Variants in GRAMD2B observed in about 807,000 individuals in gnomAD.
GRAMD2B encodes the protein GRAM domain-containing protein 2B.
In GRAMD2B, 41 loss-of-function variants were observed where a neutral mutation model predicts 59.2. The observed-to-expected ratio is 0.69, with a 90% CI of 0.54 to 0.90. The LOEUF (loss-of-function observed/expected upper bound fraction) is 0.90, where lower values mean the gene tolerates loss of function less well. GRAMD2B is among the 40% of genes least tolerant of loss of function. GRAMD2B has a pLI of 0.00. For missense variants in GRAMD2B, 424 were observed against 500.5 expected, an observed-to-expected ratio of 0.85 and a Z score of 1.46; for synonymous variants, 161 against 182.7, an observed-to-expected ratio of 0.88 and a Z score of 0.96.
chr5:126,416,177 G>T (rs968896966), intron 1 of GRAMD2B, among the ~76,000 whole-genome samples: 5 of 152,152 alleles, frequency 3.3e-5, no homozygotes, highest in African/African-American at 1.2e-4. Flanking sequence ...TCTTGGACTT[G>T]CTCCGGGTCT....
At chr5:126,382,196 C>T (rs759557414) in intron 1 of GRAMD2B, among the ~76,000 whole-genome samples, 1 of 152,044 alleles carries the variant, frequency 6.6e-6, no homozygotes, top group Admixed American at 6.6e-5. Context: ...GATGAATTTC[C>T]CACATGTTCT....
At chr5:126,457,895 G>A (rs62394665) in intron 1 of GRAMD2B, among the ~76,000 whole-genome samples, 4,580 of 152,140 alleles carry the variant, frequency 0.03, 95 homozygotes, top group Non-Finnish European at 0.043. Context: ...GGGATAAGTA[G>A]GGTTTCCTTC....
intron 1 of GRAMD2B, among the ~76,000 whole-genome samples, chr5:126,449,779 T>A (rs1764997334): frequency 6.6e-6 from 1 of 152,190 alleles, no homozygotes; most frequent in African/African-American, 2.4e-5. Flanking sequence ...ATGCCCGTGT[T>A]GATTCACTTG....
At chr5:126,423,807 T>C (rs1414043800) in intron 1 of GRAMD2B, 118 bp downstream of exon 1, 3 of 886,296 alleles carry the variant, frequency 3.4e-6, no homozygotes, top group Non-Finnish European at 5.0e-6. Flanking sequence ...ATGGACAATC[T>C]TGTGGCGCGC....
chr5:126,453,046 T>C (rs185146486), intron 1 of GRAMD2B, among the ~76,000 whole-genome samples: 271 of 152,332 alleles, frequency 1.8e-3, no homozygotes, highest in Non-Finnish European at 2.9e-3. Flanking sequence ...TGGCTCATTG[T>C]GACATCCAAT....
chr5:126,384,892 G>A (rs538200692), intron 1 of GRAMD2B, among the ~76,000 whole-genome samples: 25 of 152,148 alleles, frequency 1.6e-4, no homozygotes, highest in South Asian at 6.2e-4. Context: ...ATTTATCTTC[G>A]GTATAACATT....
chr5:126,452,053 C>A (rs1446638467), intron 1 of GRAMD2B, among the ~76,000 whole-genome samples: 2 of 152,102 alleles, frequency 1.3e-5, no homozygotes, highest in African/African-American at 2.4e-5. Context: ...AACTGTGAAC[C>A]AATTAAACCT....
intron 1 of GRAMD2B, among the ~76,000 whole-genome samples, chr5:126,364,661 T>C (rs544525287): frequency 6.6e-6 from 1 of 152,324 alleles, no homozygotes; most frequent in Non-Finnish European, 1.5e-5. Context: ...CCACCAACTA[T>C]TCAAGTGACC....
intron 1 of GRAMD2B, among the ~76,000 whole-genome samples, chr5:126,400,757 T>A (rs1166073677): frequency 6.6e-6 from 1 of 152,144 alleles, no homozygotes; most frequent in Non-Finnish European, 1.5e-5. Context: ...CTTTCAGCAC[T>A]TTGAAAATAT....
At chr5:126,468,639 C>A (rs989645011) in intron 2 of GRAMD2B, among the ~76,000 whole-genome samples, 2 of 152,100 alleles carry the variant, frequency 1.3e-5, no homozygotes, top group African/African-American at 4.8e-5. Flanking sequence ...AGGCGCCCAC[C>A]ATCATGCCCA....
chr5:126,378,222 T>C (rs2149700287), intron 1 of GRAMD2B, among the ~76,000 whole-genome samples: 1 of 152,312 alleles, frequency 6.6e-6, no homozygotes, highest in African/African-American at 2.4e-5. Flanking sequence ...GGTAAGTTTT[T>C]TTCTAGAGAA....
At chr5:126,429,150 A>G (rs1270590017) in intron 1 of GRAMD2B, among the ~76,000 whole-genome samples, 1 of 152,204 alleles carries the variant, frequency 6.6e-6, no homozygotes, top group African/African-American at 2.4e-5. Flanking sequence ...ATGCCCATCA[A>G]TGGTAGACTG....
Position 126,483,542 on chromosome 5 carries a change from G to A in GRAMD2B, c.815G>A (p.Gly272Asp), listed in dbSNP as rs1375905002. The A allele has an allele frequency of 1.9e-6, 3 of 1,610,936 alleles. No homozygotes were observed. Among genetic ancestry groups the A allele is most frequent in the East Asian group, 2.2e-5 (1 of 44,788 alleles). ...RQDMEGYSSS[G>D]SQTPESENSR... is the part of the protein sequence containing the mutation. ...GACATGGAAGGATATAGCAGTTCTGGTTCTCAAACTCCTGAATCTGAGAAC... is the reference window on the plus strand; with the variant it reads ...GACATGGAAGGATATAGCAGTTCTGATTCTCAAACTCCTGAATCTGAGAAC... Residue 272 changes from glycine (G) to aspartate (D), a missense_variant, in exon 9 of 14, where the codon GGT (glycine) becomes GAT (aspartate). Gly to Asp is a moderately conservative substitution (Grantham distance 94). Transcript: ENST00000285689.
chr5:126,383,086 C>G (rs1755800999), intron 1 of GRAMD2B, among the ~76,000 whole-genome samples: 1 of 152,226 alleles, frequency 6.6e-6, no homozygotes, highest in African/African-American at 2.4e-5. Context: ...GCACCTTCCC[C>G]AGTGGAGGTA....
upstream of GRAMD2B, among the ~76,000 whole-genome samples, chr5:126,367,839 C>T (rs1754534560): frequency 2.0e-5 from 3 of 152,216 alleles, no homozygotes; most frequent in South Asian, 6.2e-4. Context: ...GCGAGCTCCA[C>T]CTTCCCGGTT....
intron 1 of GRAMD2B, among the ~76,000 whole-genome samples, chr5:126,460,127 A>C (rs4240398): frequency 0.86 from 130,889 of 151,938 alleles, 57,668 homozygotes; most frequent in East Asian, 1. Flanking sequence ...CACCAAGATA[A>C]AATAAGTTAA....
intron 1 of GRAMD2B, among the ~76,000 whole-genome samples, chr5:126,453,072 G>T (rs773660656): frequency 4.6e-5 from 7 of 152,130 alleles, no homozygotes; most frequent in Non-Finnish European, 1.0e-4. Context: ...GTGGAGAAGA[G>T]CCCCAAAAAG....
At chr5:126,433,527 A>AATAC (rs1761923502) in intron 1 of GRAMD2B, 1 of 152,254 alleles carries the variant, frequency 6.6e-6, no homozygotes, top group Non-Finnish European at 1.5e-5. Flanking sequence ...CTAACATTGA[A>AATAC]AGAATTTCTA....
intron 1 of GRAMD2B, among the ~76,000 whole-genome samples, chr5:126,408,918 C>A (rs138181954): frequency 0.01 from 1,509 of 148,130 alleles, 8 homozygotes; most frequent in Middle Eastern, 0.021. Flanking sequence ...CAATTCCCAC[C>A]TATGAGTGAG....
Sources: gnomAD v4.1 joint callset for allele counts (sites outside exome capture counted in the v4.1 genomes callset) on GRCh38, gnomAD v4.1.1 for gene constraint, MANE v1.5 for transcripts, NCBI Gene and HGNC (gene_info 2026-07-23, HGNC 2026-07-21) for gene names.